Variants in SASH1 observed in about 807,000 individuals in gnomAD.
SASH1 encodes SAM and SH3 domain containing 1, also known as SAM and SH3 domain-containing protein 1.
Under a neutral mutation model 125.2 loss-of-function variants are expected in SASH1, and 44 were observed. The ratio of observed to expected loss-of-function variants is 0.35; its 90% confidence interval spans 0.28 to 0.45. The LOEUF (loss-of-function observed/expected upper bound fraction) is 0.45. Ranked by LOEUF, SASH1 falls within the 20% of genes least tolerant of loss-of-function variation. SASH1 has a pLI of 1.00. For missense variants in SASH1, 1,426 were observed against 1,614.5 expected (o/e 0.88, Z 2.00); for synonymous variants, 639 against 649.1 (o/e 0.98, Z 0.24).
intron 8 of SASH1, among the ~76,000 whole-genome samples, chr6:148,489,878 GTGTGTGTGTA>G (rs1352869319): frequency 1.5e-5 from 2 of 130,552 alleles, no homozygotes; most frequent in South Asian, 2.5e-4. Context: ...GTGTGTGTGT[GTGTGTGTGTA>G]TAGTGTTAGG....
chr6:148,250,800 C>A, the SASH1 span, among the ~76,000 whole-genome samples: 4 of 152,186 alleles, frequency 2.6e-5, no homozygotes, highest in African/African-American at 9.6e-5. Flanking sequence ...TAAATTCTAT[C>A]ATCCCTATCC....
intron 8 of SASH1, chr6:148,513,854 G>T: frequency 1.0e-6 from 1 of 986,310 alleles, no homozygotes; most frequent in Non-Finnish European, 1.2e-6. Context: ...TGCTGTTTTT[G>T]ATTTTCGGGG....
chr6:148,470,224 G>A (rs993727666), intron 5 of SASH1, among the ~76,000 whole-genome samples: 17 of 152,178 alleles, frequency 1.1e-4, no homozygotes, highest in African/African-American at 4.1e-4. Flanking sequence ...TTGGCGGAAA[G>A]GCTCGGGTTT....
the SASH1 span, among the ~76,000 whole-genome samples, chr6:148,262,008 C>T: frequency 2.6e-5 from 4 of 152,048 alleles, no homozygotes; most frequent in Admixed American, 2.0e-4. Context: ...CCATCTTGAC[C>T]GTGCCTTTTT....
chr6:148,333,474 T>C (rs986540961), intron 1 of SASH1, among the ~76,000 whole-genome samples: 1 of 152,168 alleles, frequency 6.6e-6, no homozygotes, highest in Admixed American at 6.6e-5. Flanking sequence ...GCCGGGAAAT[T>C]TGCATTTGTA....
rs567342187 is a variant in SASH1 at position 148,370,738 on chromosome 6, A to G, written c.157-19396A>G. 8.2e-3 allele frequency among the ~76,000 whole-genome samples: 1,248 copies of G among 152,048 alleles called. 9 individuals are homozygous for G. Among genetic ancestry groups the G allele is most frequent in the Non-Finnish European group, 0.011 (775 of 67,982 alleles). On this transcript the variant is annotated intron_variant, in intron 1 of 19. Transcript: ENST00000367467. ...CTCGGGAGGCTGAGGCAGGAGAATG[A>G]AGTGAACCCGGGAGGCGGAGCTTGC...
chr6:148,457,551 C>T (rs1777417925), intron 4 of SASH1, among the ~76,000 whole-genome samples: 1 of 152,190 alleles, frequency 6.6e-6, no homozygotes, highest in Admixed American at 6.5e-5. Context: ...TTCATACATA[C>T]AGCAAGGCTA....
chr6:148,301,796 T>C (rs952014573), intron 1 of SASH1, among the ~76,000 whole-genome samples: 3 of 143,282 alleles, frequency 2.1e-5, no homozygotes, highest in African/African-American at 7.7e-5. Context: ...GGTCTTGCTA[T>C]GTTGCCATGT....
At chr6:148,534,050 G>A in intron 15 of SASH1, 70 bp downstream of exon 15, 1 of 1,443,886 alleles carries the variant, frequency 6.9e-7, no homozygotes, top group African/African-American at 1.4e-5. Flanking sequence ...CTAAGCAAGT[G>A]AGGGCATTTT....
At chr6:148,439,923 T>C (rs1025405024) in intron 2 of SASH1, among the ~76,000 whole-genome samples, 1 of 152,150 alleles carries the variant, frequency 6.6e-6, no homozygotes, top group Admixed American at 6.5e-5. Flanking sequence ...TTGACTGAAA[T>C]TGTGCTTTTT....
chr6:148,518,471 T>C (rs971655142), intron 9 of SASH1, among the ~76,000 whole-genome samples: 8 of 152,182 alleles, frequency 5.3e-5, no homozygotes, highest in African/African-American at 1.4e-4. Flanking sequence ...CTGCCGTTCT[T>C]TTCCCCTCTG....
intron 7 of SASH1, among the ~76,000 whole-genome samples, chr6:148,487,108 C>T (rs1583239310): frequency 7.3e-6 from 1 of 137,614 alleles, no homozygotes; most frequent in African/African-American, 2.7e-5. Context: ...CACACACACA[C>T]ACACATATAT....
At chr6:148,334,190 C>T (rs1289023458) in intron 1 of SASH1, among the ~76,000 whole-genome samples, 4 of 140,360 alleles carry the variant, frequency 2.8e-5, no homozygotes, top group African/African-American at 5.3e-5. Flanking sequence ...TTTGGGAGGC[C>T]GAGGCGGGTG....
intron 4 of SASH1, among the ~76,000 whole-genome samples, chr6:148,457,187 C>CT (rs1228754548): frequency 2.0e-5 from 3 of 150,554 alleles, no homozygotes; most frequent in East Asian, 2.0e-4. Flanking sequence ...TCCCCCGCCC[C>CT]TTTTTTTTAC....
chr6:148,322,949 T>TCCTC (rs1173414635), intron 1 of SASH1, among the ~76,000 whole-genome samples: 3 of 148,022 alleles, frequency 2.0e-5, no homozygotes, highest in South Asian at 2.2e-4. Flanking sequence ...CTTCCTTCCT[T>TCCTC]CCTCCCTCCC....
intron 1 of SASH1, among the ~76,000 whole-genome samples, chr6:148,273,615 A>C (rs1404223611): frequency 1.3e-5 from 2 of 152,090 alleles, no homozygotes; most frequent in Admixed American, 1.3e-4. Flanking sequence ...CTTAAGAAAA[A>C]AAAAAAATAG....
intron 1 of SASH1, among the ~76,000 whole-genome samples, chr6:148,286,215 TA>T (rs1274943128): frequency 4.8e-4 from 70 of 145,536 alleles, no homozygotes; most frequent in Admixed American, 1.3e-3. Flanking sequence ...ACTTTGTCTC[TA>T]AAAAAAAAAA....
intron 1 of SASH1, among the ~76,000 whole-genome samples, chr6:148,309,846 A>C (rs1780252774): frequency 6.6e-6 from 1 of 152,136 alleles, no homozygotes; most frequent in Admixed American, 6.5e-5. Context: ...GAGAACAAAA[A>C]CTGGCGAGTT....
intron 7 of SASH1, 117 bp from the exon 8 acceptor site, chr6:148,487,497 G>C: frequency 1.4e-6 from 1 of 724,658 alleles, no homozygotes; most frequent in Non-Finnish European, 2.3e-6. Flanking sequence ...TGTGCTGCGT[G>C]AGCACAAGAT....
Sources: allele counts gnomAD v4.1 joint callset (sites outside exome capture counted in the v4.1 genomes callset), GRCh38; gene constraint gnomAD v4.1.1; transcripts MANE v1.5; gene names NCBI Gene and HGNC (gene_info 2026-07-23, HGNC 2026-07-21).